The following CACNA1E variants were observed in gnomAD, a reference collection of about 807,000 sequenced individuals.
CACNA1E encodes the protein calcium voltage-gated channel subunit alpha1 E.
A neutral mutation model predicts 259.2 loss-of-function variants in CACNA1E; 40 were observed. The observed-to-expected ratio is 0.15, with a 90% CI of 0.12 to 0.20. The LOEUF is 0.20. Ranked by LOEUF, CACNA1E falls within the 10% of genes least tolerant of loss-of-function variation. CACNA1E has a pLI of 1.00. For synonymous variants in CACNA1E, 1,104 were observed against 1,138.5 expected (o/e 0.97, Z 0.61); for missense variants, 1,874 against 3,040.1 (o/e 0.62, Z 9.02).
rs1662444043 is a variant in CACNA1E, at chr1:181,803,792, G to C, written c.*4958G>C. On this transcript the variant is annotated 3_prime_UTR_variant, in exon 48 of 48. Transcript: ENST00000367573. ...CCCAGAGAGGTCACACCAAGCCAAA[G>C]AGAAAAAATTCATAGATTGTCCCAG... 6.6e-6 allele frequency: 1 copy of C among 152,140 alleles called. No homozygotes were observed. Among genetic ancestry groups the C allele is most frequent in the Non-Finnish European group, 1.5e-5 (1 of 68,034 alleles). 9.4% of individuals were successfully genotyped at this position (152,140 alleles called of 1,614,324 possible). A position where few individuals can be genotyped will look rare whatever the true frequency, so the allele number is the denominator to read the frequency against.
chr1:181,646,626 G>T (rs1046694893), intron 6 of CACNA1E, among the ~76,000 whole-genome samples: 4 of 152,204 alleles, frequency 2.6e-5, no homozygotes, highest in Admixed American at 2.6e-4. Context: ...ATGGAGCCCT[G>T]GGGAACCCTG....
At chr1:181,414,994 A>T (rs1432780787) in intron 2 of CACNA1E, among the ~76,000 whole-genome samples, 4 of 152,212 alleles carry the variant, frequency 2.6e-5, no homozygotes, top group Non-Finnish European at 5.9e-5. Flanking sequence ...TAGTGGTGTG[A>T]CCTTGAGTAA....
At chr1:181,658,804 C>A (rs1462519944) in intron 7 of CACNA1E, among the ~76,000 whole-genome samples, 2 of 152,124 alleles carry the variant, frequency 1.3e-5, no homozygotes, top group African/African-American at 2.4e-5. Context: ...ACAATAGGGG[C>A]CTTATAGGCT....
At chr1:181,425,527 C>T (rs1659104394) in intron 2 of CACNA1E, among the ~76,000 whole-genome samples, 1 of 130,338 alleles carries the variant, frequency 7.7e-6, no homozygotes, top group Non-Finnish European at 1.5e-5. Context: ...CTGTACACCC[C>T]CGCTCCCCCC....
At chr1:181,455,814 A>T (rs1433318228) in intron 2 of CACNA1E, among the ~76,000 whole-genome samples, 1 of 152,180 alleles carries the variant, frequency 6.6e-6, no homozygotes, top group Non-Finnish European at 1.5e-5. Context: ...CCTACACCCT[A>T]GGCCATGCCC....
chr1:181,360,639 G>C (rs1198911374), intron 1 of CACNA1E, among the ~76,000 whole-genome samples: 2 of 152,126 alleles, frequency 1.3e-5, no homozygotes, highest in Non-Finnish European at 2.9e-5. Context: ...GTGAGGAATG[G>C]AAATGTTCTG....
chr1:181,797,110 C>A (rs1017623730), intron 47 of CACNA1E, among the ~76,000 whole-genome samples: 1 of 152,188 alleles, frequency 6.6e-6, no homozygotes, highest in African/African-American at 2.4e-5. Context: ...TTCCAGCCTT[C>A]AGAAACCAGA....
intron 25 of CACNA1E, among the ~76,000 whole-genome samples, chr1:181,747,937 G>A (rs1355812774): frequency 6.6e-6 from 1 of 152,136 alleles, no homozygotes; most frequent in Non-Finnish European, 1.5e-5. Context: ...GGCGTTTCTT[G>A]ACTCCAGGGC....
chr1:181,539,199 T>A (rs570285898), intron 3 of CACNA1E, among the ~76,000 whole-genome samples: 27 of 152,346 alleles, frequency 1.8e-4, no homozygotes, highest in African/African-American at 6.3e-4. Context: ...CCGTTACTCG[T>A]TGACTAGGCT....
At chr1:181,645,124 G>T (rs561407664) in intron 6 of CACNA1E, among the ~76,000 whole-genome samples, 32 of 152,306 alleles carry the variant, frequency 2.1e-4, no homozygotes, top group African/African-American at 7.7e-4. Flanking sequence ...GTCCTGGGTG[G>T]CTGATTCCTG....
At chr1:181,710,927 A>T (rs751161876) in intron 7 of CACNA1E, 27 bp from the exon 8 acceptor site, 3 of 1,509,764 alleles carry the variant, frequency 2.0e-6, no homozygotes, top group Non-Finnish European at 2.8e-6. Flanking sequence ...GTCCAAACCC[A>T]GTGAATCTTA....
chr1:181,430,343 G>A (rs542798514), intron 2 of CACNA1E, among the ~76,000 whole-genome samples: 2 of 152,336 alleles, frequency 1.3e-5, no homozygotes, highest in East Asian at 1.9e-4. Flanking sequence ...ACCCGAAAGA[G>A]GGTTGCCTTT....
At chr1:181,538,873 G>A (rs890424952) in intron 3 of CACNA1E, among the ~76,000 whole-genome samples, 2 of 152,194 alleles carry the variant, frequency 1.3e-5, no homozygotes, top group African/African-American at 4.8e-5. Flanking sequence ...TTTTGAAAAA[G>A]ATCATGCAGA....
At chr1:181,350,540 A>T (rs1203151413) in intron 1 of CACNA1E, among the ~76,000 whole-genome samples, 1 of 152,194 alleles carries the variant, frequency 6.6e-6, no homozygotes, top group African/African-American at 2.4e-5. Flanking sequence ...AAGGACTCGC[A>T]GAGCTCAGCT....
chr1:181,569,539 T>A (rs114230643), intron 3 of CACNA1E, among the ~76,000 whole-genome samples: 151 of 152,358 alleles, frequency 9.9e-4, no homozygotes, highest in African/African-American at 3.6e-3. Context: ...CCAAATCAAA[T>A]CACACTTCAG....
At chr1:181,792,641 G>A (rs1230396455) in intron 44 of CACNA1E, among the ~76,000 whole-genome samples, 2 of 150,752 alleles carry the variant, frequency 1.3e-5, no homozygotes, top group East Asian at 3.9e-4. Context: ...ATAGGCTAAG[G>A]TGGGGGTCCC....
chr1:181,477,644 G>A (rs1381954583), intron 2 of CACNA1E, among the ~76,000 whole-genome samples: 3 of 151,650 alleles, frequency 2.0e-5, no homozygotes, highest in Non-Finnish European at 2.9e-5. Context: ...ACATGTCTCT[G>A]CTCCTCTGTC....
chr1:181,760,011 A>C (rs1572823979), intron 32 of CACNA1E, among the ~76,000 whole-genome samples: 1 of 152,336 alleles, frequency 6.6e-6, no homozygotes, highest in African/African-American at 2.4e-5. Context: ...GAAATAAAAA[A>C]GTAAAAGAAA....
chr1:181,746,709 A>G (rs902468219), intron 25 of CACNA1E, among the ~76,000 whole-genome samples: 2 of 152,112 alleles, frequency 1.3e-5, no homozygotes, highest in Non-Finnish European at 2.9e-5. Context: ...TAAACTGATT[A>G]CAGGGAGGGG....
Sources: gnomAD v4.1 joint callset for allele counts (sites outside exome capture counted in the v4.1 genomes callset) on GRCh38, gnomAD v4.1.1 for gene constraint, MANE v1.5 for transcripts, NCBI Gene and HGNC (gene_info 2026-07-23, HGNC 2026-07-21) for gene names.